The following MIER1 variants were observed in gnomAD, a reference collection of about 807,000 sequenced individuals.
The protein encoded by MIER1 is MIER1 transcriptional regulator.
In MIER1, 40 loss-of-function variants were observed where a neutral mutation model predicts 75.7. The ratio of observed to expected loss-of-function variants is 0.53; its 90% CI spans 0.41 to 0.69. The LOEUF (loss-of-function observed/expected upper bound fraction) is 0.69, where lower values mean the gene tolerates loss of function less well. Among genes scored for constraint, MIER1 ranks in the 30% least tolerant of loss-of-function variants. The pLI, the probability that MIER1 is intolerant of heterozygous loss-of-function variation, is 0.00. For synonymous variants in MIER1, 213 were observed against 223.4 expected (o/e 0.95, Z 0.42); for missense variants, 574 against 680.2 (o/e 0.84, Z 1.74).
chr1:66,983,082 G>A (rs1666218392), intron 13 of MIER1, among the ~76,000 whole-genome samples: 1 of 152,176 alleles, frequency 6.6e-6, no homozygotes, highest in African/African-American at 2.4e-5. Flanking sequence ...GGCTAGGAAA[G>A]TGTTCATAAG....
intron 2 of MIER1, among the ~76,000 whole-genome samples, chr1:66,936,174 A>C (rs1351467152): frequency 1.3e-5 from 2 of 152,138 alleles, no homozygotes; most frequent in Non-Finnish European, 2.9e-5. Flanking sequence ...TATTTTTTCT[A>C]AAAATAGGTA....
At position 66,978,209 on chromosome 1, in the gene MIER1, A is replaced by AAAG. The variant is rs113413575; in HGVS notation, c.1229+1489_1229+1490insGAA. ...AAACTCCATCTCCAAAAAAAAAAAA[A>AAAG]AAAGATGTGCTTGTATGTTTATTTG... On this transcript the variant is annotated intron_variant, in intron 12 of 13. Transcript: ENST00000401041. Among the ~76,000 whole-genome samples the AAAG allele has an allele frequency of 8.7e-3, 1,295 of 149,562 alleles. 11 individuals carry two copies. Among genetic ancestry groups the AAAG allele is most frequent in the African/African-American group, 0.023 (926 of 40,974 alleles).
Position 66,958,847 on chromosome 1 carries a change from A to G in MIER1, c.502-4A>G, listed in dbSNP as rs1399401520. 1 of 1,597,466 alleles carries G rather than the reference A, an allele frequency of 6.3e-7. No individual in the cohort carries two copies. The highest frequency in any genetic ancestry group is 8.5e-7 in the Non-Finnish European group (1 of 1,169,736). On this transcript the variant is annotated splice_region_variant and splice_polypyrimidine_tract_variant and intron_variant, in intron 5 of 13. Coordinates refer to ENST00000401041, the MANE Select transcript of MIER1 (RefSeq NM_001077700.3). ...TTAGAGAAATTTAATTTATTATTCC[A>G]CAGGAGGAGAATATAAAGGATTCAT...
At position 66,981,831 on chromosome 1, in the gene MIER1, GCAC is replaced by G; in HGVS notation, c.1285_1287del (p.Pro429del). 1 of 1,613,988 alleles carries G rather than the reference GCAC, an allele frequency of 6.2e-7. No homozygotes were observed. The highest frequency in any genetic ancestry group is 8.5e-7 in the Non-Finnish European group (1 of 1,179,896). Reference sequence around the variant, plus strand: ...AAGTGAAAGTGCTGCATCTAGTCGAGCACCATCCCCTCCCCCAACTGCATCAAA... The same window carrying G: ...AAGTGAAAGTGCTGCATCTAGTCGAGCATCCCCTCCCCCAACTGCATCAAA... On this transcript the variant is annotated inframe_deletion, in exon 13 of 14. Transcript: ENST00000401041.
chr1:66,941,970 C>CAAA (rs10627197), intron 3 of MIER1, among the ~76,000 whole-genome samples: 7,145 of 130,222 alleles, frequency 0.055, 244 homozygotes, highest in Middle Eastern at 0.097. Flanking sequence ...CTCCTTCTCT[C>CAAA]AAAAAAAAAA....
chr1:66,959,756 A>T lies in MIER1; in HGVS notation c.699+13A>T. ...AGACTGGAAAAAGGTAGTTAGAACA[A>T]TATTTTCCCAAAATTTAGATAAATT... On this transcript the variant is annotated intron_variant, in intron 7 of 13. Transcript: ENST00000401041. 7.6e-7 allele frequency: 1 copy of T among 1,310,896 alleles called. No homozygotes were observed. Among genetic ancestry groups the T allele is most frequent in the South Asian group, 1.6e-5 (1 of 62,212 alleles). The allele number at this position is 1,310,896 out of a possible 1,614,324, so 81.2% of individuals were successfully genotyped here.
At chr1:66,948,953 A>C (rs1658293421) in intron 4 of MIER1, among the ~76,000 whole-genome samples, 1 of 152,200 alleles carries the variant, frequency 6.6e-6, no homozygotes, top group Non-Finnish European at 1.5e-5. Context: ...AGGGCACTTG[A>C]AGAACTTGAA....
intron 3 of MIER1, 103 bp downstream of exon 3, chr1:66,940,155 T>C: frequency 1.3e-6 from 1 of 758,802 alleles, no homozygotes; most frequent in Non-Finnish European, 2.2e-6. Flanking sequence ...CTTGCTTTTC[T>C]TCTGAATGCT....
chr1:66,976,778 A>G, intron 12 of MIER1, 56 bp downstream of exon 12: 1 of 1,369,104 alleles, frequency 7.3e-7, no homozygotes, highest in South Asian at 1.7e-5. Flanking sequence ...GCTTTTCTAG[A>G]TTTTTCTTGA....
chr1:66,972,841 T>TA, intron 10 of MIER1, 56 bp from the exon 11 acceptor site: 1 of 870,694 alleles, frequency 1.1e-6, no homozygotes, highest in Non-Finnish European at 1.9e-6. Flanking sequence ...GTAATTTTGT[T>TA]ATATGCAATA....
intron 4 of MIER1, chr1:66,947,952 A>T (rs1658061487): frequency 1.3e-5 from 13 of 985,346 alleles, no homozygotes; most frequent in Non-Finnish European, 1.6e-5. Context: ...GCCTCCTCAG[A>T]ATAGCAGCCT....
Position 66,986,304 on chromosome 1 carries a change from G to T in MIER1, c.*1404G>T. The T allele has an allele frequency of 6.7e-7, 1 of 1,498,956 alleles. No homozygotes were observed. The highest frequency in any genetic ancestry group is 1.3e-5 in the South Asian group (1 of 74,534). 92.9% of individuals were successfully genotyped at this position (1,498,956 alleles called of 1,614,324 possible). On this transcript the variant is annotated 3_prime_UTR_variant, in exon 14 of 14. Coordinates refer to ENST00000401041, the MANE Select transcript of MIER1 (RefSeq NM_001077700.3). Reference sequence around the variant, plus strand: ...GTAAAAGTGCCATTTTATTTTTAGTGCTAAATTCTTGTTAAATAATGTAGT... The same window carrying T: ...GTAAAAGTGCCATTTTATTTTTAGTTCTAAATTCTTGTTAAATAATGTAGT...
intron 2 of MIER1, among the ~76,000 whole-genome samples, chr1:66,935,943 T>A (rs183174463): frequency 1.4e-5 from 2 of 138,742 alleles, no homozygotes; most frequent in African/African-American, 5.1e-5. Context: ...TGCATGGACT[T>A]TAAATGTTTT....
rs987817280 is a variant in MIER1, at chr1:66,988,344, C to T, written c.*3444C>T. ...AAAAATTAACTCTCTTCTTTAATAT[C>T]AAGTTCATCCTTTGCAGAATCTTAA... On this transcript the variant is annotated 3_prime_UTR_variant, in exon 14 of 14. Coordinates refer to ENST00000401041, the MANE Select transcript of MIER1 (RefSeq NM_001077700.3). 2.6e-5 allele frequency: 4 copies of T among 152,112 alleles called. No homozygotes were observed. The highest frequency in any genetic ancestry group is 5.9e-5 in the Non-Finnish European group (4 of 67,860). 9.4% of individuals were successfully genotyped at this position (152,112 alleles called of 1,614,324 possible).
intron 2 of MIER1, among the ~76,000 whole-genome samples, chr1:66,930,007 C>G (rs905450621): frequency 3.3e-5 from 5 of 152,242 alleles, no homozygotes; most frequent in Admixed American, 2.0e-4. Flanking sequence ...GATCCGTAGA[C>G]AACCCCCTCC....
intron 2 of MIER1, chr1:66,928,745 G>A (rs969478692): frequency 9.7e-5 from 53 of 544,332 alleles, no homozygotes; most frequent in Non-Finnish European, 1.1e-4. Context: ...ATTCCCCCAA[G>A]GAATCCTGAA....
chr1:66,949,901 T>A (rs1363949226), intron 4 of MIER1, among the ~76,000 whole-genome samples: 1 of 146,760 alleles, frequency 6.8e-6, no homozygotes, highest in African/African-American at 2.5e-5. Context: ...GGTTTTAAGT[T>A]CATTCAATTT....
intron 4 of MIER1, among the ~76,000 whole-genome samples, chr1:66,950,685 G>A (rs888220602): frequency 1.4e-5 from 2 of 139,184 alleles, no homozygotes; most frequent in Non-Finnish European, 3.1e-5. Flanking sequence ...GTGAGAGATT[G>A]CAGTATTTTG....
At chr1:66,949,749 T>C (rs769309170) in intron 4 of MIER1, among the ~76,000 whole-genome samples, 7 of 152,242 alleles carry the variant, frequency 4.6e-5, no homozygotes, top group Non-Finnish European at 8.8e-5. Context: ...ATTGATTTGC[T>C]TTTATAGAAG....
Sources: gnomAD v4.1 joint callset for allele counts (sites outside exome capture counted in the v4.1 genomes callset) on GRCh38, gnomAD v4.1.1 for gene constraint, MANE v1.5 for transcripts, NCBI Gene and HGNC (gene_info 2026-07-23, HGNC 2026-07-21) for gene names.